SLC35G2: variants seen among roughly 807,000 people sequenced by gnomAD.
SLC35G2 encodes transmembrane protein 22.
A neutral mutation model predicts 27.2 loss-of-function variants in SLC35G2; 20 were observed. The ratio of observed to expected loss-of-function variants is 0.74; its 90% CI spans 0.52 to 1.07. SLC35G2 has a LOEUF of 1.07. SLC35G2 is among the 50% of genes least tolerant of loss of function. The pLI, the probability that SLC35G2 is intolerant of heterozygous loss-of-function variation, is 0.00. For missense variants in SLC35G2, 416 were observed against 493.3 expected (o/e 0.84, Z 1.48); for synonymous variants, 148 against 165.3 (o/e 0.90, Z 0.80).
chr3:136,842,951 T>C (rs1937161850), intron 1 of SLC35G2: 1 of 152,148 alleles, frequency 6.6e-6, no homozygotes, highest in Non-Finnish European at 1.5e-5. Context: ...AGTATCATTG[T>C]GGGAGGATGT....
chr3:136,849,440 TAAGTA>T lies in SLC35G2; in HGVS notation c.-18-4998_-18-4994del, dbSNP rs1275310914. ...ATCATGTACCCAAAGTCATGATTAA[TAAGTA>T]AAGTTGAACCCAACTTTTTTTTTTT... On this transcript the variant is annotated intron_variant, in intron 1 of 1. Coordinates refer to ENST00000446465, the MANE Select transcript of SLC35G2 (RefSeq NM_025246.3). Among the ~76,000 whole-genome samples the T allele has an allele frequency of 2.7e-5, 4 of 145,676 alleles. No individual in the cohort carries two copies. In the East Asian group the frequency reaches 6.5e-4, roughly 24 times the overall value.
chr3:136,855,328 A>T lies in SLC35G2; in HGVS notation c.868A>T (p.Thr290Ser). ...EKISMWTALFTFGWTGTIWGI... is the reference protein window; with the variant it reads ...EKISMWTALFSFGWTGTIWGI... ...GATCAGCATGTGGACTGCACTGTTT[A>T]CTTTTGGTTGGACTGGGACAATTTG... is the stretch of plus-strand genomic sequence containing the variant. Residue 290 changes from threonine to serine, a missense_variant, in exon 2 of 2, where the codon ACT becomes TCT. Thr to Ser is a moderately conservative substitution (Grantham distance 58). Transcript: ENST00000446465. The T allele has an allele frequency of 6.2e-7, 1 of 1,614,148 alleles. No individual in the cohort carries two copies. Among genetic ancestry groups the T allele is most frequent in the Non-Finnish European group, 8.5e-7 (1 of 1,180,006 alleles).
At chr3:136,854,214 C>T (rs1937836968) in intron 1 of SLC35G2, among the ~76,000 whole-genome samples, 1 of 152,016 alleles carries the variant, frequency 6.6e-6, no homozygotes, top group African/African-American at 2.4e-5. Context: ...AACAAGTAAG[C>T]AAAGAGAAAT....
intron 1 of SLC35G2, among the ~76,000 whole-genome samples, 171 bp from the exon 2 acceptor site, chr3:136,854,272 A>G (rs1937841528): frequency 6.6e-6 from 1 of 152,182 alleles, no homozygotes; most frequent in Non-Finnish European, 1.5e-5. Flanking sequence ...CAATTCCAGT[A>G]GGTACCATAC....
chr3:136,845,058 T>C (rs1937311203), intron 1 of SLC35G2, among the ~76,000 whole-genome samples: 13 of 152,168 alleles, frequency 8.5e-5, no homozygotes, highest in Admixed American at 8.5e-4. Flanking sequence ...TAATTTTTAA[T>C]GACATGGAAA....
At chr3:136,848,541 C>T (rs771549709) in intron 1 of SLC35G2, among the ~76,000 whole-genome samples, 21 of 151,978 alleles carry the variant, frequency 1.4e-4, no homozygotes, top group Non-Finnish European at 2.8e-4. Context: ...ATCACTTGAG[C>T]CAGCCATATT....
At chr3:136,853,987 G>T (rs1576921762) in intron 1 of SLC35G2, among the ~76,000 whole-genome samples, 1 of 152,098 alleles carries the variant, frequency 6.6e-6, no homozygotes, top group Non-Finnish European at 1.5e-5. Flanking sequence ...AATTTATAAG[G>T]TGAATTCTGG....
rs763513492 is a variant in SLC35G2, at chr3:136,854,480, G to T, written c.20G>T (p.Arg7Ile). The T allele has an allele frequency of 3.8e-6, 6 of 1,579,058 alleles. No homozygotes were observed. The highest frequency in any genetic ancestry group is 1.7e-4 in the Middle Eastern group (1 of 5,896). Residue 7 changes from arginine to isoleucine, a missense_variant, in exon 2 of 2, where the codon AGA (arginine) becomes ATA (isoleucine). By Grantham distance (97) the Arg-to-Ile change is moderately conservative (BLOSUM62 -3). Transcript: ENST00000446465. ...GAAGAAATGGATACTTCTCCCTCCA[G>T]AAAATATCCAGTTAAAAAACGGGTG... MDTSPS[R>I]KYPVKKRVKI...
At chr3:136,844,987 G>A (rs527692196) in intron 1 of SLC35G2, among the ~76,000 whole-genome samples, 13 of 152,196 alleles carry the variant, frequency 8.5e-5, no homozygotes, top group African/African-American at 2.6e-4. Context: ...GAGAGCTGAA[G>A]TTAATGTGTT....
chr3:136,845,729 G>T (rs1242634176), intron 1 of SLC35G2, among the ~76,000 whole-genome samples: 1 of 151,666 alleles, frequency 6.6e-6, no homozygotes, highest in African/African-American at 2.4e-5. Context: ...CCAATTAGGT[G>T]GGACTATAGG....
rs112657534 is a variant in SLC35G2, at chr3:136,854,869, A to C, written c.409A>C (p.Ile137Leu). 52 of 1,614,114 alleles carry C rather than the reference A, an allele frequency of 3.2e-5. No individual in the cohort carries two copies. The highest frequency in any genetic ancestry group is 2.9e-4 in the African/African-American group (22 of 75,028). ...DRSKVPSLEL[I>L]FIRSVFQVLS... ...GTCTAAAGTTCCATCTCTAGAACTG[A>C]TTTTTATCCGTTCTGTTTTTCAGGT... is the stretch of plus-strand genomic sequence containing the variant. The change falls in exon 2 of 2, where the codon ATT (isoleucine) becomes CTT (leucine). Residue 137 changes from isoleucine (I) to leucine (L), a missense_variant. Ile to Leu is a conservative substitution (Grantham distance 5). Coordinates refer to ENST00000446465, the MANE Select transcript of SLC35G2 (RefSeq NM_025246.3).
rs745750314 is a variant in SLC35G2 at position 136,854,423 on chromosome 3, C to G, written c.-18-20C>G. 6.8e-7 allele frequency: 1 copy of G among 1,474,262 alleles called. No individual in the cohort carries two copies. The highest frequency in any genetic ancestry group is 1.3e-5 in the South Asian group (1 of 76,916). The allele number at this position is 1,474,262 out of a possible 1,614,324, so 91.3% of individuals were successfully genotyped here. On this transcript the variant is annotated intron_variant, in intron 1 of 1. Transcript: ENST00000446465. ...TTCAATGAAATGAATGTCTTTTTGT[C>G]AATTTTTTTCTTTAAATAGAATTGA...
intron 1 of SLC35G2, among the ~76,000 whole-genome samples, chr3:136,850,829 A>C (rs1937601118): frequency 6.6e-6 from 1 of 152,038 alleles, no homozygotes; most frequent in African/African-American, 2.4e-5. Flanking sequence ...CCCTGTCTCT[A>C]CAGAAAGTGT....
chr3:136,843,730 C>T lies in SLC35G2; in HGVS notation c.-18-10713C>T, dbSNP rs1211860055. Among the ~76,000 whole-genome samples, 6 of 151,928 alleles carry T rather than the reference C, an allele frequency of 3.9e-5. No individual in the cohort carries two copies. In the South Asian group the frequency reaches 8.3e-4, roughly 21 times the overall value. ...GGAGGATCACCTGAGGTCACAAGTT[C>T]GAGACCAGCCTGGCCAACATGGCAA... On this transcript the variant is annotated intron_variant, in intron 1 of 1. Transcript: ENST00000446465.
Position 136,854,594 on chromosome 3 carries a change from A to T in SLC35G2, c.134A>T (p.Tyr45Phe). Residue 45 changes from tyrosine to phenylalanine, a missense_variant, in exon 2 of 2, where the codon TAT becomes TTT. Transcript: ENST00000446465. ...DDGYEEINEG[Y>F]GNFMEENPKK... ...GGATATGAAGAAATCAATGAAGGCT[A>T]TGGAAATTTTATGGAGGAAAATCCA... The T allele has an allele frequency of 1.2e-6, 2 of 1,613,300 alleles. No homozygotes were observed. The highest frequency in any genetic ancestry group is 3.3e-5 in the Admixed American group (2 of 59,850).
intron 1 of SLC35G2, chr3:136,838,673 T>G (rs946523807): frequency 6.6e-6 from 1 of 152,240 alleles, no homozygotes; most frequent in Admixed American, 6.5e-5. Flanking sequence ...TTGGCTTTTT[T>G]GTGGATAAAT....
At chr3:136,839,103 G>A (rs1249080423) in intron 1 of SLC35G2, 1 of 131,850 alleles carries the variant, frequency 7.6e-6, no homozygotes, top group Non-Finnish European at 1.6e-5. Flanking sequence ...CTCACAGGAA[G>A]GTGATTCTGC....
chr3:136,855,139 G>T lies in SLC35G2; in HGVS notation c.679G>T (p.Val227Phe). 4 of 1,614,122 alleles carry T rather than the reference G, an allele frequency of 2.5e-6. No homozygotes were observed. Among genetic ancestry groups the T allele is most frequent in the Non-Finnish European group, 3.4e-6 (4 of 1,180,028 alleles). ...GGCTTATGTTGACATGGCTACAGTT[G>T]TTTGCAGCATCTTAGGTGTTTGTCT... is the stretch of plus-strand genomic sequence containing the variant. The part of the protein sequence containing the change: ...KMAYVDMATV[V>F]CSILGVCLVM... Residue 227 changes from valine to phenylalanine, a missense_variant, in exon 2 of 2, where the codon GTT (valine) becomes TTT (phenylalanine). Val to Phe is a conservative substitution (Grantham distance 50). Transcript: ENST00000446465.
chr3:136,852,038 C>G (rs1203858141), intron 1 of SLC35G2, among the ~76,000 whole-genome samples: 3 of 152,170 alleles, frequency 2.0e-5, no homozygotes, highest in Admixed American at 6.5e-5. Flanking sequence ...TCACAGTATT[C>G]CCTGATTTCT....
Sources: gnomAD v4.1 joint callset for allele counts (sites outside exome capture counted in the v4.1 genomes callset) on GRCh38, gnomAD v4.1.1 for gene constraint, MANE v1.5 for transcripts, NCBI Gene and HGNC (gene_info 2026-07-23, HGNC 2026-07-21) for gene names.